The following CPNE8 variants were observed in gnomAD, a reference collection of about 807,000 sequenced individuals.
The protein encoded by CPNE8 is copine 8, also known as copine-8.
Under a neutral mutation model 81.5 loss-of-function variants are expected in CPNE8, and 45 were observed. That is an observed-to-expected ratio of 0.55 (90% CI 0.44 to 0.71). CPNE8 has a LOEUF of 0.71. Ranked by LOEUF, CPNE8 falls within the 30% of genes least tolerant of loss-of-function variation. The probability of loss-of-function intolerance (pLI) is 0.00; values close to 1 mark genes in which losing one functional copy is unlikely to be tolerated. For synonymous variants in CPNE8, 252 were observed against 226.3 expected, an observed-to-expected ratio of 1.11 and a Z score of -1.02; for missense variants, 594 against 672.1, an observed-to-expected ratio of 0.88 and a Z score of 1.28.
At chr12:38,810,552 G>T (rs909685126) in intron 6 of CPNE8, among the ~76,000 whole-genome samples, 1 of 152,070 alleles carries the variant, frequency 6.6e-6, no homozygotes, top group Non-Finnish European at 1.5e-5. Context: ...TTTCTAACAT[G>T]TTCTTCAAAA....
At chr12:38,817,669 G>A (rs572494190) in intron 6 of CPNE8, among the ~76,000 whole-genome samples, 44 of 129,376 alleles carry the variant, frequency 3.4e-4, no homozygotes, top group Non-Finnish European at 6.1e-4. Context: ...TGTCTCCCAG[G>A]CTGGAGTGCA....
intron 6 of CPNE8, among the ~76,000 whole-genome samples, chr12:38,790,060 G>C (rs1408497434): frequency 6.6e-6 from 1 of 151,682 alleles, no homozygotes; most frequent in Non-Finnish European, 1.5e-5. Context: ...ACTAAAGATA[G>C]AGCTATCGTA....
In CPNE8 at chr12:38,654,618, GT is replaced by G. The variant is rs1302668332; in HGVS notation, c.1507-549del. Among the ~76,000 whole-genome samples the G allele has an allele frequency of 2.6e-5, 4 of 151,048 alleles. No individual in the cohort carries two copies. The East Asian group carries it at 5.8e-4, about 22-fold the overall frequency. ...CAAAAGGAATGCAATCATTTTCTAT[GT>G]TTTTCCTCCAATAACTCATGTCACT... On this transcript the variant is annotated intron_variant, in intron 19 of 19. Coordinates refer to ENST00000331366, the MANE Select transcript of CPNE8 (RefSeq NM_153634.3).
At chr12:38,801,468 G>A (rs1942667894) in intron 6 of CPNE8, among the ~76,000 whole-genome samples, 1 of 43,964 alleles carries the variant, frequency 2.3e-5, no homozygotes, top group Non-Finnish European at 4.1e-5. Flanking sequence ...GAGAGATTTT[G>A]TCACCACCAG....
intron 3 of CPNE8, among the ~76,000 whole-genome samples, chr12:38,866,830 TC>T (rs1269594506): frequency 6.6e-6 from 1 of 152,122 alleles, no homozygotes; most frequent in African/African-American, 2.4e-5. Context: ...AATTCGGGTG[TC>T]CCTAAATTTG....
chr12:38,774,183 A>G (rs1941870030), intron 7 of CPNE8, among the ~76,000 whole-genome samples: 1 of 152,174 alleles, frequency 6.6e-6, no homozygotes, highest in African/African-American at 2.4e-5. Context: ...CAGCCTGTCC[A>G]TACTCAACCT....
At chr12:38,805,620 C>T (rs1181460657) in intron 6 of CPNE8, among the ~76,000 whole-genome samples, 1 of 105,510 alleles carries the variant, frequency 9.5e-6, no homozygotes, top group African/African-American at 3.5e-5. Flanking sequence ...ATGTAACTAA[C>T]CTGCACAATG....
upstream of CPNE8, chr12:38,905,668 T>C: frequency 6.8e-7 from 1 of 1,474,460 alleles, no homozygotes; most frequent in Non-Finnish European, 9.0e-7. Context: ...GCGCGCGGGA[T>C]GGGGGAGGGA....
intron 6 of CPNE8, among the ~76,000 whole-genome samples, chr12:38,792,926 A>C (rs1481326032): frequency 1.3e-5 from 2 of 151,982 alleles, no homozygotes; most frequent in African/African-American, 4.8e-5. Flanking sequence ...AGGATAGTTC[A>C]ACATATGAAA....
chr12:38,838,448 T>G (rs528727807), intron 5 of CPNE8, among the ~76,000 whole-genome samples: 1 of 152,310 alleles, frequency 6.6e-6, no homozygotes, highest in African/African-American at 2.4e-5. Flanking sequence ...ATGCTCATAA[T>G]CCCTTTAATC....
At chr12:38,674,302 G>T (rs192219662) in intron 18 of CPNE8, among the ~76,000 whole-genome samples, 263 of 152,152 alleles carry the variant, frequency 1.7e-3, no homozygotes, top group Non-Finnish European at 2.5e-3. Flanking sequence ...AACTGATTGA[G>T]GTTTACCATC....
chr12:38,663,924 G>C (rs958176569), intron 19 of CPNE8, among the ~76,000 whole-genome samples: 2 of 151,996 alleles, frequency 1.3e-5, no homozygotes, highest in African/African-American at 4.8e-5. Flanking sequence ...TAAAAAAGTT[G>C]ATCTCATAGA....
rs148772541 is a variant in CPNE8 at position 38,811,149 on chromosome 12, T to A, written c.407+18230A>T. 2.9e-3 allele frequency among the ~76,000 whole-genome samples: 434 copies of A among 152,202 alleles called. 3 individuals carry two copies. Among genetic ancestry groups the A allele is most frequent in the African/African-American group, 0.01 (416 of 41,554 alleles). ...AAAATTCTTCCTTCTACCCTGCACA[T>A]ACCCGTAATCTCACAATTCCATTCC... On this transcript the variant is annotated intron_variant, in intron 6 of 19. Coordinates refer to ENST00000331366, the MANE Select transcript of CPNE8 (RefSeq NM_153634.3).
intron 6 of CPNE8, among the ~76,000 whole-genome samples, chr12:38,803,457 AC>A (rs1027800338): frequency 3.5e-4 from 53 of 150,768 alleles, no homozygotes; most frequent in African/African-American, 1.3e-3. Context: ...AAATTCAACA[AC>A]CCTTCATGCT....
chr12:38,763,229 G>T (rs1001797250), intron 8 of CPNE8, among the ~76,000 whole-genome samples: 2 of 152,152 alleles, frequency 1.3e-5, no homozygotes, highest in Non-Finnish European at 2.9e-5. Flanking sequence ...CCCTTGAGAG[G>T]CCAGACAGTC....
chr12:38,890,912 T>A (rs1240730492), intron 1 of CPNE8, among the ~76,000 whole-genome samples: 2 of 148,530 alleles, frequency 1.3e-5, no homozygotes, highest in African/African-American at 4.9e-5. Flanking sequence ...TATATATATA[T>A]GTATATATAT....
chr12:38,781,438 G>C (rs1310072540), intron 6 of CPNE8, among the ~76,000 whole-genome samples: 2 of 151,902 alleles, frequency 1.3e-5, no homozygotes, highest in African/African-American at 4.8e-5. Context: ...CAAAAGAAAA[G>C]AATGGAAAGA....
intron 6 of CPNE8, among the ~76,000 whole-genome samples, chr12:38,778,475 G>A (rs1420436351): frequency 6.6e-6 from 1 of 151,938 alleles, no homozygotes. Flanking sequence ...GTGACATTTT[G>A]TGCTTATTTC....
chr12:38,707,176 G>A (rs575635629), intron 13 of CPNE8, among the ~76,000 whole-genome samples: 11 of 152,064 alleles, frequency 7.2e-5, no homozygotes, highest in African/African-American at 2.7e-4. Context: ...TAACCAGGTT[G>A]GGTGGTGTAC....
Sources: gnomAD v4.1 joint callset for allele counts (sites outside exome capture counted in the v4.1 genomes callset) on GRCh38, gnomAD v4.1.1 for gene constraint, MANE v1.5 for transcripts, NCBI Gene and HGNC (gene_info 2026-07-23, HGNC 2026-07-21) for gene names.